SDK1: variants seen among roughly 807,000 people sequenced by gnomAD.
The protein encoded by SDK1 is protein sidekick-1.
A neutral mutation model predicts 245.5 loss-of-function variants in SDK1; 157 were observed. The ratio of observed to expected loss-of-function variants is 0.64; its 90% confidence interval spans 0.56 to 0.73. The LOEUF (loss-of-function observed/expected upper bound fraction) is 0.73, where lower values mean the gene tolerates loss of function less well. SDK1 is among the 30% of genes least tolerant of loss of function. SDK1 has a pLI of 0.00. For missense variants in SDK1, 3,583 were observed against 3,002.3 expected (o/e 1.19, Z -4.52); for synonymous variants, 1,647 against 1,278.5 (o/e 1.29, Z -6.15).
intron 5 of SDK1, among the ~76,000 whole-genome samples, chr7:3,949,442 G>C (rs1045939228): frequency 3.3e-5 from 5 of 152,142 alleles, no homozygotes; most frequent in Non-Finnish European, 7.3e-5. Flanking sequence ...TTCTCTCTCC[G>C]CGGCCCTCAC....
At chr7:3,734,399 A>G (rs1779264162) in intron 4 of SDK1, among the ~76,000 whole-genome samples, 1 of 152,140 alleles carries the variant, frequency 6.6e-6, no homozygotes, top group African/African-American at 2.4e-5. Context: ...AAATACTTCT[A>G]CCCCAAATTA....
At chr7:3,503,931 C>T (rs1268581103) in intron 1 of SDK1, among the ~76,000 whole-genome samples, 1 of 151,866 alleles carries the variant, frequency 6.6e-6, no homozygotes, top group Non-Finnish European at 1.5e-5. Context: ...GTGGGCGGAT[C>T]ACGAGGTCAG....
At chr7:3,465,046 C>G (rs1047860229) in intron 1 of SDK1, among the ~76,000 whole-genome samples, 2 of 152,150 alleles carry the variant, frequency 1.3e-5, no homozygotes, top group African/African-American at 2.4e-5. Flanking sequence ...AGGGCACAAA[C>G]TCTTACAGAT....
intron 44 of SDK1, among the ~76,000 whole-genome samples, chr7:4,257,232 A>G (rs1005346046): frequency 2.6e-5 from 4 of 152,108 alleles, no homozygotes; most frequent in African/African-American, 9.7e-5. Context: ...GTAATACCCA[A>G]AGTGTTGAGA....
intron 1 of SDK1, among the ~76,000 whole-genome samples, chr7:3,387,568 T>C (rs569594646): frequency 7.9e-5 from 12 of 152,302 alleles, no homozygotes; most frequent in Non-Finnish European, 1.5e-4. Context: ...CCCAGGTCTG[T>C]TGTGAGGATA....
intron 1 of SDK1, among the ~76,000 whole-genome samples, chr7:3,441,992 C>A (rs1009393765): frequency 2.0e-5 from 3 of 152,128 alleles, no homozygotes; most frequent in African/African-American, 4.8e-5. Context: ...TTATCCAGAG[C>A]AGCTCTCCAC....
chr7:3,742,977 AC>A (rs1779518453), intron 4 of SDK1, among the ~76,000 whole-genome samples: 1 of 152,220 alleles, frequency 6.6e-6, no homozygotes, highest in Non-Finnish European at 1.5e-5. Context: ...ACCCTCATTA[AC>A]ATGAGGAAGC....
chr7:3,990,786 T>A (rs1390312484), intron 14 of SDK1, among the ~76,000 whole-genome samples: 3 of 152,178 alleles, frequency 2.0e-5, no homozygotes, highest in African/African-American at 4.8e-5. Flanking sequence ...TGGACCGTCT[T>A]CCAAAACAGA....
chr7:3,836,299 C>T (rs1780026836), intron 5 of SDK1, among the ~76,000 whole-genome samples: 1 of 152,190 alleles, frequency 6.6e-6, no homozygotes, highest in African/African-American at 2.4e-5. Context: ...AACTGATATC[C>T]TTATAACTTA....
At chr7:4,179,933 G>A (rs1782492290) in intron 35 of SDK1, among the ~76,000 whole-genome samples, 1 of 151,930 alleles carries the variant, frequency 6.6e-6, no homozygotes, top group Non-Finnish European at 1.5e-5. Context: ...ACTGCAAGCA[G>A]AAGGTGTGGG....
rs570064813 is a variant in SDK1, at chr7:3,467,444, A to T, written c.299-151636A>T. Among the ~76,000 whole-genome samples the T allele has an allele frequency of 4.6e-5, 7 of 152,230 alleles. 1 individual carries two copies. Among genetic ancestry groups the T allele is most frequent in the African/African-American group, 1.7e-4 (7 of 41,594 alleles). The stretch of plus-strand genomic sequence containing the variant: ...AATGTATAGTATAAAAATAAAAAAT[A>T]TACAAAAAGTAAAAATATACCAATA... On this transcript the variant is annotated intron_variant, in intron 1 of 44. Coordinates refer to ENST00000404826, the MANE Select transcript of SDK1 (RefSeq NM_152744.4).
intron 1 of SDK1, among the ~76,000 whole-genome samples, chr7:3,467,353 C>T (rs1781040071): frequency 1.3e-5 from 2 of 151,868 alleles, no homozygotes; most frequent in Admixed American, 1.3e-4. Context: ...TTAAGAGCCC[C>T]ACTCATGAAC....
At chr7:3,431,161 A>G (rs1307674648) in intron 1 of SDK1, among the ~76,000 whole-genome samples, 1 of 152,042 alleles carries the variant, frequency 6.6e-6, no homozygotes, top group Non-Finnish European at 1.5e-5. Context: ...TCAGCGTCCC[A>G]AAGTGCTGGG....
At chr7:3,365,678 C>T (rs1453759481) in intron 1 of SDK1, among the ~76,000 whole-genome samples, 1 of 152,054 alleles carries the variant, frequency 6.6e-6, no homozygotes, top group Non-Finnish European at 1.5e-5. Context: ...AGGGCATAGT[C>T]CTTTCAATAT....
At chr7:3,973,924 G>T (rs900000090) in intron 12 of SDK1, among the ~76,000 whole-genome samples, 4 of 152,084 alleles carry the variant, frequency 2.6e-5, no homozygotes, top group Admixed American at 6.5e-5. Context: ...ACTCAGGCCT[G>T]TAATCCCAGC....
At chr7:3,945,183 A>G (rs1405392214) in intron 5 of SDK1, among the ~76,000 whole-genome samples, 1 of 152,232 alleles carries the variant, frequency 6.6e-6, no homozygotes, top group African/African-American at 2.4e-5. Context: ...AGCTAGATTA[A>G]AAAGGTAGAT....
chr7:3,649,437 C>T (rs1314678850), intron 4 of SDK1, among the ~76,000 whole-genome samples: 1 of 151,886 alleles, frequency 6.6e-6, no homozygotes, highest in Non-Finnish European at 1.5e-5. Context: ...TGCAGCTCTG[C>T]CCTCCTGCTT....
At chr7:3,459,576 C>T (rs1490426875) in intron 1 of SDK1, among the ~76,000 whole-genome samples, 1 of 152,126 alleles carries the variant, frequency 6.6e-6, no homozygotes, top group African/African-American at 2.4e-5. Flanking sequence ...GGGAGGAGGA[C>T]AAAGGGACAA....
intron 1 of SDK1, among the ~76,000 whole-genome samples, chr7:3,410,450 GT>G (rs1177397444): frequency 2.6e-5 from 4 of 152,022 alleles, no homozygotes; most frequent in Non-Finnish European, 5.9e-5. Flanking sequence ...ATCACTTCTG[GT>G]TTGAGACGTT....
Sources: gnomAD v4.1 joint callset for allele counts (sites outside exome capture counted in the v4.1 genomes callset) on GRCh38, gnomAD v4.1.1 for gene constraint, MANE v1.5 for transcripts, NCBI Gene and HGNC (gene_info 2026-07-23, HGNC 2026-07-21) for gene names.